Variants in BMERB1 observed in about 807,000 individuals in gnomAD.
BMERB1 encodes bMERB domain containing 1, also known as bMERB domain-containing protein 1.
A neutral mutation model predicts 23.6 loss-of-function variants in BMERB1; 12 were observed. The observed-to-expected ratio is 0.51, with a 90% CI of 0.33 to 0.82. BMERB1 has a LOEUF of 0.82. Among genes scored for constraint, BMERB1 ranks in the 40% least tolerant of loss-of-function variants. The pLI is 0.03. For missense variants in BMERB1, 247 were observed against 255.4 expected (o/e 0.97, Z 0.22); for synonymous variants, 122 against 96.6 (o/e 1.26, Z -1.54).
chr16:15,567,352 T>C (rs1334728419), intron 2 of BMERB1, among the ~76,000 whole-genome samples: 2 of 152,204 alleles, frequency 1.3e-5, no homozygotes, highest in Non-Finnish European at 2.9e-5. Flanking sequence ...ACGTAAACTT[T>C]AGCTGAAAAA....
At chr16:15,532,029 C>T (rs1349854491) in intron 2 of BMERB1, among the ~76,000 whole-genome samples, 1 of 152,150 alleles carries the variant, frequency 6.6e-6, no homozygotes, top group Non-Finnish European at 1.5e-5. Flanking sequence ...AATATCCTGA[C>T]TTACATATTT....
At chr16:15,573,544 G>A (rs1314689513) in intron 3 of BMERB1, among the ~76,000 whole-genome samples, 1 of 152,008 alleles carries the variant, frequency 6.6e-6, no homozygotes, top group Non-Finnish European at 1.5e-5. Flanking sequence ...GGGCCACAAG[G>A]TCAGATGAGC....
At chr16:15,503,447 A>AT (rs35592502) in intron 1 of BMERB1, among the ~76,000 whole-genome samples, 53 of 133,292 alleles carry the variant, frequency 4.0e-4, no homozygotes, top group Admixed American at 1.4e-3. Flanking sequence ...ACGCCCGGCT[A>AT]TTTTTTTTTT....
chr16:15,526,767 G>C (rs1033254948), intron 2 of BMERB1, among the ~76,000 whole-genome samples: 12 of 150,696 alleles, frequency 8.0e-5, no homozygotes, highest in African/African-American at 2.7e-4. Context: ...TTGTGATAGT[G>C]CCTACCTCTG....
intron 1 of BMERB1, among the ~76,000 whole-genome samples, chr16:15,506,142 A>G (rs1262787241): frequency 6.6e-6 from 1 of 151,852 alleles, no homozygotes; most frequent in African/African-American, 2.4e-5. Flanking sequence ...GTTTGAATAA[A>G]CACAAAAATT....
intron 1 of BMERB1, among the ~76,000 whole-genome samples, chr16:15,501,514 G>A (rs13336990): frequency 0.075 from 11,190 of 149,662 alleles, 1,377 homozygotes; most frequent in African/African-American, 0.26. Flanking sequence ...TCCCTCTGTT[G>A]CCCAGGCTGG....
chr16:15,484,747 G>A (rs2051353781), intron 1 of BMERB1, among the ~76,000 whole-genome samples: 1 of 152,146 alleles, frequency 6.6e-6, no homozygotes, highest in African/African-American at 2.4e-5. Context: ...ACATAACATA[G>A]CATTCATCAT....
chr16:15,481,869 T>G (rs1293515937), intron 1 of BMERB1, among the ~76,000 whole-genome samples: 1 of 151,140 alleles, frequency 6.6e-6, no homozygotes, highest in Non-Finnish European at 1.5e-5. Flanking sequence ...GGATTACAGG[T>G]GCCTGCCACC....
intron 1 of BMERB1, among the ~76,000 whole-genome samples, chr16:15,513,269 T>C (rs545440441): frequency 7.1e-4 from 108 of 152,324 alleles, no homozygotes; most frequent in Non-Finnish European, 1.4e-3. Flanking sequence ...TACATTTTTT[T>C]CCTCATGATT....
In BMERB1 at chr16:15,496,156, A is replaced by T. The variant is rs116709605; in HGVS notation, c.107-19149A>T. On this transcript the variant is annotated intron_variant, in intron 1 of 5. Transcript: ENST00000300006. ...AGTGATAATGGTGACGATGACAGTG[A>T]TGTGCTAGTGATGGTGATAATGACA... Among the ~76,000 whole-genome samples the T allele has an allele frequency of 5.4e-3, 813 of 151,562 alleles. 4 individuals carry two copies. The highest frequency in any genetic ancestry group is 0.019 in the African/African-American group (763 of 41,212).
intron 5 of BMERB1, chr16:15,583,996 G>A (rs1596405644): frequency 2.8e-6 from 2 of 702,236 alleles, no homozygotes; most frequent in East Asian, 2.7e-5. Context: ...GGGAGCTCTG[G>A]CCTCTCTTAG....
chr16:15,510,164 C>G (rs1384562866), intron 1 of BMERB1, among the ~76,000 whole-genome samples: 1 of 152,146 alleles, frequency 6.6e-6, no homozygotes, highest in African/African-American at 2.4e-5. Flanking sequence ...TCTGGCTTCC[C>G]GAACTCCAAG....
chr16:15,566,195 GCA>G (rs1166502652), intron 2 of BMERB1, among the ~76,000 whole-genome samples: 1 of 152,106 alleles, frequency 6.6e-6, no homozygotes, highest in African/African-American at 2.4e-5. Flanking sequence ...AATTTTTGTA[GCA>G]CACACACAAA....
intron 2 of BMERB1, among the ~76,000 whole-genome samples, chr16:15,563,843 A>T (rs559452984): frequency 6.6e-6 from 1 of 152,288 alleles, no homozygotes; most frequent in East Asian, 1.9e-4. Context: ...ATGATTTGAC[A>T]TGAGATGTGG....
At chr16:15,531,212 C>T (rs2051964172) in intron 2 of BMERB1, among the ~76,000 whole-genome samples, 1 of 151,960 alleles carries the variant, frequency 6.6e-6, no homozygotes, top group South Asian at 2.1e-4. Flanking sequence ...CAGCCTTAAA[C>T]CTCTTTTCTT....
At chr16:15,496,248 ATGATAG>A (rs2051472496) in intron 1 of BMERB1, among the ~76,000 whole-genome samples, 1 of 152,128 alleles carries the variant, frequency 6.6e-6, no homozygotes, top group Non-Finnish European at 1.5e-5. Flanking sequence ...GGTGATGATT[ATGATAG>A]TGATAGTGAT....
At chr16:15,460,357 G>A (rs1598450651) in intron 1 of BMERB1, among the ~76,000 whole-genome samples, 1 of 152,112 alleles carries the variant, frequency 6.6e-6, no homozygotes, top group Non-Finnish European at 1.5e-5. Flanking sequence ...AAAATACAGA[G>A]GAAATTCATG....
At chr16:15,580,758 G>C (rs1596404464) in intron 3 of BMERB1, among the ~76,000 whole-genome samples, 1 of 151,456 alleles carries the variant, frequency 6.6e-6, no homozygotes, top group East Asian at 2.0e-4. Context: ...TGTTAGCCAG[G>C]ATGGTCTCGA....
chr16:15,466,970 G>T (rs185818700), intron 1 of BMERB1, among the ~76,000 whole-genome samples: 91 of 152,170 alleles, frequency 6.0e-4, no homozygotes, highest in African/African-American at 2.0e-3. Flanking sequence ...TTTGAGATTG[G>T]CTTTTTCACT....
Sources: allele counts gnomAD v4.1 joint callset (sites outside exome capture counted in the v4.1 genomes callset), GRCh38; gene constraint gnomAD v4.1.1; transcripts MANE v1.5; gene names NCBI Gene and HGNC (gene_info 2026-07-23, HGNC 2026-07-21).